The following HDLBP variants were observed in gnomAD, a reference collection of about 807,000 sequenced individuals.
HDLBP encodes the protein high density lipoprotein binding protein.
Under a neutral mutation model 137.3 loss-of-function variants are expected in HDLBP, and 30 were observed. The ratio of observed to expected loss-of-function variants is 0.22; its 90% CI spans 0.16 to 0.30. HDLBP has a LOEUF of 0.30. Among genes scored for constraint, HDLBP ranks in the 10% least tolerant of loss-of-function variants. The pLI is 1.00. For missense variants in HDLBP, 1,119 were observed against 1,667.3 expected (o/e 0.67, Z 5.73); for synonymous variants, 606 against 596.0 (o/e 1.02, Z -0.24).
chr2:241,296,271 C>G (rs1459585465), intron 1 of HDLBP, among the ~76,000 whole-genome samples: 1 of 152,156 alleles, frequency 6.6e-6, no homozygotes, highest in East Asian at 1.9e-4. Context: ...TTCAAATCAG[C>G]AAGGAATTGG....
chr2:241,256,677 T>C lies in HDLBP; in HGVS notation c.580A>G (p.Asn194Asp), dbSNP rs771800582. 6.2e-7 allele frequency: 1 copy of C among 1,614,204 alleles called. No homozygotes were observed. Among genetic ancestry groups the C allele is most frequent in the Non-Finnish European group, 8.5e-7 (1 of 1,180,032 alleles). Residue 194 changes from asparagine to aspartate, a missense_variant, in exon 6 of 28, where the codon AAT becomes GAT. This residue lies in a region of HDLBP where 425 missense variants were observed against 693.9 expected (regional missense o/e 0.61). Coordinates refer to ENST00000310931, the MANE Select transcript of HDLBP (RefSeq NM_005336.6). ...IQIPRPDDPS[N>D]QIKITGTKEG... Reference sequence around the variant, plus strand: ...TTGGTGCCAGTGATCTTGATCTGATTGCTGGGGTCATCTGGGCGTGGGATC... The same window carrying C: ...TTGGTGCCAGTGATCTTGATCTGATCGCTGGGGTCATCTGGGCGTGGGATC...
Position 241,230,107 on chromosome 2 carries a change from G to T in HDLBP, c.3591+46C>A. On this transcript the variant is annotated intron_variant, in intron 26 of 27. Transcript: ENST00000310931. This position sits in a 1 kb window ranked among gnomAD's most constrained non-coding sequence, Gnocchi z 5.0. ...GCTCCTGGCTGGGCCTCAGGCCGGT[G>T]GACGTGCCAGGGCGCCTCAGGGCTC... The T allele has an allele frequency of 1.3e-6, 2 of 1,588,758 alleles. No homozygotes were observed. Among genetic ancestry groups the T allele is most frequent in the Non-Finnish European group, 1.7e-6 (2 of 1,157,722 alleles).
chr2:241,289,121 A>G lies in HDLBP; in HGVS notation c.-102-20580T>C, dbSNP rs75781231. Among the ~76,000 whole-genome samples, 51 of 152,376 alleles carry G rather than the reference A, an allele frequency of 3.3e-4. No homozygotes were observed. The East Asian group carries it at 9.4e-3, about 28-fold the overall frequency. ...ATCTTGGGCTCAGTCCTATCCAAATAGAAACAATACTTTTCTACAAACAAG... is the reference window on the plus strand; with the variant it reads ...ATCTTGGGCTCAGTCCTATCCAAATGGAAACAATACTTTTCTACAAACAAG... On this transcript the variant is annotated intron_variant, in intron 1 of 27. Transcript: ENST00000310931.
At chr2:241,264,651 T>G (rs749620411) in intron 3 of HDLBP, 46 bp from the exon 4 acceptor site, 2 of 1,581,402 alleles carry the variant, frequency 1.3e-6, no homozygotes. Flanking sequence ...CTTTTAGCAT[T>G]ACATGAAAAA....
At position 241,272,410 on chromosome 2, in the gene HDLBP, G is replaced by A; in HGVS notation, c.-102-3869C>T. On this transcript the variant is annotated intron_variant, in intron 1 of 27. Transcript: ENST00000310931. The surrounding 1 kb of genome is among the most constrained non-coding windows in gnomAD (Gnocchi z 5.6). ...CGCGCCGTGCGGCCACGGCACCAGG[G>A]GTGCCCCACCGAAGCCCCGGGAGGA... 2.0e-6 allele frequency: 2 copies of A among 984,462 alleles called. No individual in the cohort carries two copies. Among genetic ancestry groups the A allele is most frequent in the Non-Finnish European group, 2.4e-6 (2 of 829,594 alleles). The allele number at this position is 984,462 out of a possible 1,614,324, so 61.0% of individuals were successfully genotyped here.
chr2:241,295,169 C>CTGATGAAA (rs1296872025), intron 1 of HDLBP, among the ~76,000 whole-genome samples: 1 of 152,142 alleles, frequency 6.6e-6, no homozygotes, highest in Non-Finnish European at 1.5e-5. Flanking sequence ...GCCCAAAAAA[C>CTGATGAAA]TGATGAAATT....
intron 1 of HDLBP, among the ~76,000 whole-genome samples, chr2:241,314,900 C>T (rs1457455138): frequency 1.3e-5 from 2 of 152,166 alleles, no homozygotes; most frequent in African/African-American, 4.8e-5. Flanking sequence ...GGTATTTGCG[C>T]CAAGCCTTGA....
intron 16 of HDLBP, among the ~76,000 whole-genome samples, chr2:241,244,890 G>A (rs2071543075): frequency 6.6e-6 from 1 of 152,162 alleles, no homozygotes; most frequent in Non-Finnish European, 1.5e-5. Flanking sequence ...GGCTGAGCAC[G>A]TGGGGATGGT....
rs2069380685 is a variant in HDLBP, at chr2:241,228,830, C to T, written c.*771G>A. On this transcript the variant is annotated 3_prime_UTR_variant, in exon 28 of 28. Coordinates refer to ENST00000310931, the MANE Select transcript of HDLBP (RefSeq NM_005336.6). The stretch of plus-strand genomic sequence containing the variant: ...AGCGTAAGGCCCTACCTCCCCCAAC[C>T]TGTGCGCATCTCAATCACAGCAGAC... 6.5e-6 allele frequency: 1 copy of T among 152,792 alleles called. No homozygotes were observed. The highest frequency in any genetic ancestry group is 6.5e-5 in the Admixed American group (1 of 15,274). The allele number at this position is 152,792 out of a possible 1,614,324, so 9.5% of individuals were successfully genotyped here. A position where few individuals can be genotyped will look rare whatever the true frequency, so the allele number is the denominator to read the frequency against.
In HDLBP at chr2:241,233,660, A is replaced by C. The variant is rs1003428778; in HGVS notation, c.3288+160T>G. On this transcript the variant is annotated intron_variant, in intron 24 of 27. Transcript: ENST00000310931. The surrounding 1 kb of genome is among the most constrained non-coding windows in gnomAD (Gnocchi z 4.3). Reference sequence around the variant, plus strand: ...CCTCACCCATCTGGCAAGTACCGAGACACAGCCCAAACCTCAAGCCAGAAT... The same window carrying C: ...CCTCACCCATCTGGCAAGTACCGAGCCACAGCCCAAACCTCAAGCCAGAAT... Among the ~76,000 whole-genome samples, 1 of 152,122 alleles carries C rather than the reference A, an allele frequency of 6.6e-6. No homozygotes were observed. Among genetic ancestry groups the C allele is most frequent in the African/African-American group, 2.4e-5 (1 of 41,424 alleles).
chr2:241,232,150 C>A (rs758839293), intron 24 of HDLBP, among the ~76,000 whole-genome samples: 6 of 152,216 alleles, frequency 3.9e-5, no homozygotes, highest in Non-Finnish European at 7.3e-5. Flanking sequence ...CCGCGTGCTG[C>A]CAGGTACAGA....
chr2:241,260,593 T>A (rs2073076950), intron 5 of HDLBP, among the ~76,000 whole-genome samples: 1 of 152,172 alleles, frequency 6.6e-6, no homozygotes, highest in African/African-American at 2.4e-5. Context: ...AAAAGCATAA[T>A]TTGCAACCCT....
intron 1 of HDLBP, 118 bp from the exon 2 acceptor site, chr2:241,268,659 C>T (rs951324262): frequency 8.5e-6 from 2 of 235,904 alleles, no homozygotes; most frequent in Non-Finnish European, 1.4e-5. Context: ...GATATTTATG[C>T]TTTGGTTACT....
chr2:241,299,505 C>CAAAAAAAAA (rs11423330), intron 1 of HDLBP, among the ~76,000 whole-genome samples: 3 of 49,592 alleles, frequency 6.0e-5, no homozygotes, highest in African/African-American at 7.6e-5. Context: ...GGCTCCGTCT[C>CAAAAAAAAA]AAAAAAAAAA....
chr2:241,252,926 T>C (rs375585564), intron 11 of HDLBP, 31 bp downstream of exon 11: 6 of 1,517,252 alleles, frequency 4.0e-6, no homozygotes, highest in Admixed American at 3.4e-5. Context: ...CAGGGCACAC[T>C]GGCCCCACCG....
At position 241,250,004 on chromosome 2, in the gene HDLBP, A is replaced by G. The variant is rs562059360; in HGVS notation, c.1373-24T>C. ...TACTTAGGAACACAAAAGGAAACAC[A>G]TTTAGGACACAGACCAACAACATTC... On this transcript the variant is annotated intron_variant, in intron 11 of 27. Coordinates refer to ENST00000310931, the MANE Select transcript of HDLBP (RefSeq NM_005336.6). 8.8e-6 allele frequency: 14 copies of G among 1,587,096 alleles called. No homozygotes were observed. In the African/African-American group the frequency reaches 1.6e-4, roughly 18 times the overall value.
At chr2:241,271,140 T>C (rs2074008035) in intron 1 of HDLBP, 1 of 985,328 alleles carries the variant, frequency 1.0e-6, no homozygotes, top group Non-Finnish European at 1.2e-6. Flanking sequence ...GTGAGCCCTA[T>C]CTCCTGTCTC....
intron 4 of HDLBP, among the ~76,000 whole-genome samples, chr2:241,263,748 T>A (rs1025296750): frequency 6.6e-6 from 1 of 152,192 alleles, no homozygotes; most frequent in African/African-American, 2.4e-5. Flanking sequence ...GAAGGGCTAC[T>A]GAAGCCAAAG....
At chr2:241,236,442 ACT>A (rs1297327535) in intron 21 of HDLBP, 171 bp downstream of exon 21, 8 of 669,350 alleles carry the variant, frequency 1.2e-5, no homozygotes, top group Admixed American at 2.7e-5. Flanking sequence ...GCCTCCCCAA[ACT>A]CTGTGTCCAG....
Sources: allele counts gnomAD v4.1 joint callset (sites outside exome capture counted in the v4.1 genomes callset), GRCh38; gene constraint gnomAD v4.1.1; regional missense constraint gnomAD v4.1.1; non-coding constraint Gnocchi (gnomAD v3.1); transcripts MANE v1.5; gene names NCBI Gene and HGNC (gene_info 2026-07-23, HGNC 2026-07-21).